The following NRG1 variants were observed in gnomAD, a reference collection of about 807,000 sequenced individuals.
NRG1 encodes pro-neuregulin-1, membrane-bound isoform.
A neutral mutation model predicts 63.8 loss-of-function variants in NRG1; 18 were observed. That is an observed-to-expected ratio of 0.28 (90% CI 0.19 to 0.42). The LOEUF (loss-of-function observed/expected upper bound fraction) is 0.42. Ranked by LOEUF, NRG1 falls within the 10% of genes least tolerant of loss-of-function variation. The pLI is 1.00. For missense variants in NRG1, 762 were observed against 814.7 expected, an observed-to-expected ratio of 0.94 and a Z score of 0.79; for synonymous variants, 302 against 301.3, an observed-to-expected ratio of 1.00 and a Z score of -0.02.
At chr8:32,047,754 ATAGT>A (rs1482915076) in intron 1 of NRG1, among the ~76,000 whole-genome samples, 2 of 151,986 alleles carry the variant, frequency 1.3e-5, no homozygotes, top group African/African-American at 4.8e-5. Flanking sequence ...ATTACATTAG[ATAGT>A]TACCATTTTT....
intron 5 of NRG1, among the ~76,000 whole-genome samples, chr8:32,701,669 A>C (rs1814930010): frequency 6.6e-6 from 1 of 152,208 alleles, no homozygotes; most frequent in Admixed American, 6.5e-5. Context: ...AAGATGATTC[A>C]CTTTCTAACT....
chr8:32,270,003 C>A (rs1851377597), intron 1 of NRG1, among the ~76,000 whole-genome samples: 1 of 152,128 alleles, frequency 6.6e-6, no homozygotes, highest in African/African-American at 2.4e-5. Context: ...AATATAACAT[C>A]TGCTTTTTAT....
chr8:32,405,073 A>G (rs1295649869), intron 1 of NRG1, among the ~76,000 whole-genome samples: 1 of 152,220 alleles, frequency 6.6e-6, no homozygotes, highest in Non-Finnish European at 1.5e-5. Flanking sequence ...AAGGAATGCA[A>G]TGGGGCACCA....
At chr8:31,671,144 T>C (rs1033273229) in intron 1 of NRG1, among the ~76,000 whole-genome samples, 3 of 151,938 alleles carry the variant, frequency 2.0e-5, no homozygotes, top group Non-Finnish European at 4.4e-5. Flanking sequence ...ATCTCATTTT[T>C]TTTAATAACT....
At chr8:31,928,352 TAAAAA>T (rs77001238) in intron 1 of NRG1, among the ~76,000 whole-genome samples, 2 of 80,100 alleles carry the variant, frequency 2.5e-5, no homozygotes, top group Admixed American at 1.4e-4. Context: ...ATGGATGTGG[TAAAAA>T]AAAAAAAAAA....
At chr8:31,972,286 C>A (rs1807421222) in intron 1 of NRG1, among the ~76,000 whole-genome samples, 1 of 152,238 alleles carries the variant, frequency 6.6e-6, no homozygotes. Context: ...CATGGTCTTA[C>A]TCGAATCCCT....
intron 1 of NRG1, among the ~76,000 whole-genome samples, chr8:31,949,558 G>A (rs1015543219): frequency 6.6e-6 from 1 of 152,092 alleles, no homozygotes; most frequent in Non-Finnish European, 1.5e-5. Context: ...ATCTTCTCTT[G>A]GTTTCTTGTA....
exon 12 of NRG1, chr8:32,763,823 C>T (rs532673024): frequency 1.2e-6 from 2 of 1,610,426 alleles, no homozygotes; most frequent in East Asian, 4.5e-5. Context: ...CCAAATCGCC[C>T]CCTTCGGAAA....
chr8:32,685,380 A>G (rs1295936151), intron 5 of NRG1, among the ~76,000 whole-genome samples: 2 of 152,148 alleles, frequency 1.3e-5, no homozygotes, highest in African/African-American at 2.4e-5. Flanking sequence ...AATGAAAGTG[A>G]GGGAACTCCT....
intron 1 of NRG1, among the ~76,000 whole-genome samples, chr8:32,527,101 A>G (rs147222030): frequency 2.0e-5 from 3 of 152,334 alleles, no homozygotes; most frequent in Non-Finnish European, 4.4e-5. Flanking sequence ...AAGAATTAAA[A>G]ATAGAACTAC....
At chr8:31,728,527 A>G (rs1813686342) in intron 1 of NRG1, among the ~76,000 whole-genome samples, 1 of 152,194 alleles carries the variant, frequency 6.6e-6, no homozygotes, top group Non-Finnish European at 1.5e-5. Flanking sequence ...GGTAGTTTTC[A>G]AGGAACTTTT....
intron 1 of NRG1, among the ~76,000 whole-genome samples, chr8:32,266,441 G>A (rs1335397278): frequency 1.3e-5 from 2 of 152,090 alleles, no homozygotes; most frequent in Admixed American, 1.3e-4. Context: ...CCATTGTGTT[G>A]TCTCCTGACT....
chr8:31,957,801 A>G (rs1804698577), intron 1 of NRG1, among the ~76,000 whole-genome samples: 1 of 152,280 alleles, frequency 6.6e-6, no homozygotes, highest in African/African-American at 2.4e-5. Flanking sequence ...TGTTTATTCA[A>G]TATTTTCTCT....
chr8:32,753,134 T>C (rs1023196334), intron 7 of NRG1, among the ~76,000 whole-genome samples: 1 of 152,220 alleles, frequency 6.6e-6, no homozygotes, highest in Non-Finnish European at 1.5e-5. Context: ...TTGTACAGTA[T>C]TCCCCAGTTC....
intron 1 of NRG1, among the ~76,000 whole-genome samples, chr8:31,883,965 C>G (rs1358019548): frequency 2.6e-5 from 4 of 151,996 alleles, no homozygotes; most frequent in African/African-American, 9.7e-5. Context: ...GCTTGTATTC[C>G]TCATTAGCTT....
At chr8:32,551,387 G>A (rs1834074316) in intron 1 of NRG1, among the ~76,000 whole-genome samples, 1 of 152,176 alleles carries the variant, frequency 6.6e-6, no homozygotes, top group Non-Finnish European at 1.5e-5. Context: ...GTATGCAATA[G>A]CCAAGCCTCT....
intron 1 of NRG1, among the ~76,000 whole-genome samples, chr8:32,318,969 T>A (rs1313498842): frequency 6.6e-6 from 1 of 152,168 alleles, no homozygotes; most frequent in Middle Eastern, 3.2e-3. Context: ...GTGTAACACC[T>A]TCATCACTTG....
intron 1 of NRG1, among the ~76,000 whole-genome samples, chr8:32,503,384 C>T (rs2129497339): frequency 6.9e-6 from 1 of 145,880 alleles, no homozygotes; most frequent in Admixed American, 7.0e-5. Flanking sequence ...TTGAAATTAT[C>T]TACCTATTTC....
intron 1 of NRG1, among the ~76,000 whole-genome samples, chr8:31,993,849 T>C (rs1171003748): frequency 6.6e-6 from 1 of 152,036 alleles, no homozygotes. Context: ...CATCTTGAAG[T>C]CTAGCCTGAT....
Sources: allele counts gnomAD v4.1 joint callset (sites outside exome capture counted in the v4.1 genomes callset), GRCh38; gene constraint gnomAD v4.1.1; transcripts MANE v1.5; gene names NCBI Gene and HGNC (gene_info 2026-07-23, HGNC 2026-07-21).